SMIM35: variants seen among roughly 807,000 people sequenced by gnomAD.
SMIM35 encodes small integral membrane protein 35, also known as TMPRSS4 antisense RNA 1 (non-protein coding).
intron 1 of SMIM35, among the ~76,000 whole-genome samples, chr11:118,054,173 T>G (rs566551729): frequency 0.037 from 5,669 of 151,674 alleles, 193 homozygotes; most frequent in Non-Finnish European, 0.055. Flanking sequence ...TGTTTTGTTT[T>G]TTTGTTTGTT....
intron 1 of SMIM35, among the ~76,000 whole-genome samples, chr11:118,049,081 C>T (rs1944163879): frequency 6.6e-6 from 1 of 151,962 alleles, no homozygotes; most frequent in African/African-American, 2.4e-5. Context: ...ACATTGCCAG[C>T]GTGAGCTTTA....
chr11:118,024,128 A>G (rs1336363111), intron 1 of SMIM35, among the ~76,000 whole-genome samples: 2 of 149,690 alleles, frequency 1.3e-5, no homozygotes, highest in African/African-American at 4.9e-5. Context: ...GAGGGAAAAC[A>G]GAAAAAAAAA....
At chr11:118,065,592 AACTTC>A (rs1378752803) in intron 1 of SMIM35, among the ~76,000 whole-genome samples, 1 of 152,130 alleles carries the variant, frequency 6.6e-6, no homozygotes. Context: ...GTAACTTTGT[AACTTC>A]ACTTCAATCT....
At chr11:118,021,753 T>C (rs957330584) in intron 1 of SMIM35, among the ~76,000 whole-genome samples, 4 of 152,178 alleles carry the variant, frequency 2.6e-5, no homozygotes, top group Non-Finnish European at 4.4e-5. Context: ...CATTTCATTA[T>C]ATAGCTTTAA....
chr11:118,037,276 G>C (rs1386482455), intron 1 of SMIM35, among the ~76,000 whole-genome samples: 1 of 152,188 alleles, frequency 6.6e-6, no homozygotes, highest in African/African-American at 2.4e-5. Context: ...CCGGTCCAGG[G>C]GTCCATGGAC....
At chr11:118,026,914 A>G (rs370985502) in intron 1 of SMIM35, among the ~76,000 whole-genome samples, 4 of 152,278 alleles carry the variant, frequency 2.6e-5, no homozygotes, top group South Asian at 4.2e-4. Flanking sequence ...GAAAAGGTCA[A>G]TACAACTTTT....
chr11:118,017,154 A>G (rs1223898846), intron 1 of SMIM35, among the ~76,000 whole-genome samples: 3 of 152,184 alleles, frequency 2.0e-5, no homozygotes, highest in Non-Finnish European at 4.4e-5. Flanking sequence ...CTAGGAAAAA[A>G]TCTCCAGCCC....
chr11:118,019,891 T>C (rs1043977460), intron 1 of SMIM35, among the ~76,000 whole-genome samples: 2 of 152,250 alleles, frequency 1.3e-5, no homozygotes, highest in African/African-American at 4.8e-5. Flanking sequence ...AACTGTATTC[T>C]ATTGGTCTAC....
Position 118,064,369 on chromosome 11 carries a change from T to G in SMIM35, c.7+22382A>C, listed in dbSNP as rs140589485. ...TCATACACTGTGTTCCCCATCCACATGGACCCCAAGGTCCCACCGGAGGTT... is the reference window on the plus strand; with the variant it reads ...TCATACACTGTGTTCCCCATCCACAGGGACCCCAAGGTCCCACCGGAGGTT... On this transcript the variant is annotated intron_variant, in intron 1 of 4. Coordinates refer to ENST00000689828, the MANE Select transcript of SMIM35 (RefSeq NM_001394165.1). Among the ~76,000 whole-genome samples, 921 of 152,344 alleles carry G rather than the reference T, an allele frequency of 6.0e-3. 6 individuals are homozygous for G. The highest frequency in any genetic ancestry group is 0.021 in the African/African-American group (889 of 41,580).
intron 1 of SMIM35, among the ~76,000 whole-genome samples, chr11:118,074,562 C>T (rs1003075993): frequency 6.6e-5 from 10 of 151,942 alleles, no homozygotes; most frequent in Non-Finnish European, 8.8e-5. Flanking sequence ...GCCTTGTCAA[C>T]ATGGTGAAAC....
At chr11:118,019,245 A>G (rs1351018778) in intron 1 of SMIM35, among the ~76,000 whole-genome samples, 5 of 152,226 alleles carry the variant, frequency 3.3e-5, no homozygotes, top group Non-Finnish European at 7.3e-5. Flanking sequence ...TCCTACTTTC[A>G]TAACTAGAAA....
chr11:118,026,910 G>A (rs905039185), intron 1 of SMIM35, among the ~76,000 whole-genome samples: 2 of 152,022 alleles, frequency 1.3e-5, no homozygotes, highest in East Asian at 1.9e-4. Context: ...TTAAGAAAAG[G>A]TCAATACAAC....
At position 118,008,063 on chromosome 11, in the gene SMIM35, T is replaced by A. The variant is rs2058130940; in HGVS notation, c.*34-1687A>T. On this transcript the variant is annotated intron_variant, in intron 4 of 4. Coordinates refer to ENST00000689828, the MANE Select transcript of SMIM35 (RefSeq NM_001394165.1). ...TTTTGTAGTTTTAGCAGAGATGGGT[T>A]TTCACTATGTTGGCCAGGCTGATCT... Among the ~76,000 whole-genome samples, 3 of 151,864 alleles carry A rather than the reference T, an allele frequency of 2.0e-5. No individual in the cohort carries two copies. The South Asian group carries it at 6.3e-4, about 32-fold the overall frequency.
chr11:118,006,577 T>C (rs1348649261), intron 4 of SMIM35, among the ~76,000 whole-genome samples: 1 of 152,168 alleles, frequency 6.6e-6, no homozygotes, highest in Non-Finnish European at 1.5e-5. Context: ...TAAATTTTGA[T>C]GAATAAATGA....
At chr11:118,029,396 G>A (rs2058300133) in intron 1 of SMIM35, among the ~76,000 whole-genome samples, 1 of 152,174 alleles carries the variant, frequency 6.6e-6, no homozygotes, top group Admixed American at 6.5e-5. Context: ...CCAAGATATA[G>A]TTTAGTTAAA....
chr11:118,077,317 G>A, intron 1 of SMIM35: 1 of 1,598,002 alleles, frequency 6.3e-7, no homozygotes, highest in South Asian at 1.1e-5. Context: ...TGAGTGTGGG[G>A]CCCTCTGCTC....
At chr11:118,007,626 C>A (rs1054826702) in intron 4 of SMIM35, among the ~76,000 whole-genome samples, 1 of 152,142 alleles carries the variant, frequency 6.6e-6, no homozygotes, top group Non-Finnish European at 1.5e-5. Flanking sequence ...AAACTCTTGA[C>A]CTTGTGATCC....
intron 1 of SMIM35, among the ~76,000 whole-genome samples, chr11:118,040,898 C>T (rs1211580969): frequency 6.6e-6 from 1 of 151,710 alleles, no homozygotes; most frequent in Non-Finnish European, 1.5e-5. Flanking sequence ...CAATATATTG[C>T]TGAGTTTGTA....
At chr11:118,014,844 A>T (rs2058170759) in intron 2 of SMIM35, 103 bp from the exon 3 acceptor site, 1 of 397,408 alleles carries the variant, frequency 2.5e-6, no homozygotes, top group African/African-American at 2.1e-5. Flanking sequence ...CTGGAGGAGT[A>T]GGGTGGCTGG....
Sources: gnomAD v4.1 joint callset for allele counts (sites outside exome capture counted in the v4.1 genomes callset) on GRCh38, gnomAD v4.1.1 for gene constraint, MANE v1.5 for transcripts, NCBI Gene and HGNC (gene_info 2026-07-23, HGNC 2026-07-21) for gene names.